The following PDGFRL variants were observed in gnomAD, a reference collection of about 807,000 sequenced individuals.
The protein encoded by PDGFRL is platelet derived growth factor receptor like.
PDGFRL carries 46 observed loss-of-function variants against 37.2 expected under a neutral mutation model. The ratio of observed to expected loss-of-function variants is 1.24; its 90% CI spans 0.98 to 1.58. PDGFRL has a LOEUF of 1.58. Ranked by LOEUF, PDGFRL falls within the 40% of genes most tolerant of loss-of-function variation. The pLI, the probability that PDGFRL is intolerant of heterozygous loss-of-function variation, is 0.00. For synonymous variants in PDGFRL, 251 were observed against 184.3 expected (o/e 1.36, Z -2.93); for missense variants, 692 against 467.6 (o/e 1.48, Z -4.43).
At position 17,628,699 on chromosome 8, in the gene PDGFRL, C is replaced by A. The variant is rs201190620; in HGVS notation, c.718C>A (p.His240Asn). ...GFVYLQPHSE[H>N]QGVVYCRAEA... ...TGTGTATCTGCAACCTCATTCCGAG[C>A]ACCAGGGTGTGGTTTACTGCAGGGC... is the stretch of plus-strand genomic sequence containing the variant. The change falls in exon 4 of 6, where the codon CAC becomes AAC. Residue 240 changes from histidine to asparagine, a missense_variant. Physicochemically the swap from His to Asn is moderately conservative, Grantham distance 68. Coordinates refer to ENST00000251630, the MANE Select transcript of PDGFRL (RefSeq NM_001372073.1). The A allele has an allele frequency of 1.2e-5, 19 of 1,613,800 alleles. No individual in the cohort carries two copies. In the South Asian group the frequency reaches 1.4e-4, roughly 12 times the overall value.
intron 5 of PDGFRL, among the ~76,000 whole-genome samples, chr8:17,638,788 A>ATAG (rs1805033295): frequency 1.3e-4 from 9 of 71,584 alleles, no homozygotes; most frequent in Non-Finnish European, 1.7e-4. Flanking sequence ...TATATATATA[A>ATAG]TTGTGATATT....
Position 17,629,967 on chromosome 8 carries a change from G to C in PDGFRL, c.799+1187G>C, listed in dbSNP as rs180959617. Among the ~76,000 whole-genome samples, 37 of 152,114 alleles carry C rather than the reference G, an allele frequency of 2.4e-4. 1 individual carries two copies. In the East Asian group the frequency reaches 4.8e-3, roughly 20 times the overall value. Reference sequence around the variant, plus strand: ...ACATCAGTACTCACTACCCACACCCGGCACGCCCTCCTCTCTGTACTCCCC... The same window carrying C: ...ACATCAGTACTCACTACCCACACCCCGCACGCCCTCCTCTCTGTACTCCCC... On this transcript the variant is annotated intron_variant, in intron 4 of 5. Coordinates refer to ENST00000251630, the MANE Select transcript of PDGFRL (RefSeq NM_001372073.1).
At chr8:17,608,854 T>C (rs1187844016) in intron 2 of PDGFRL, among the ~76,000 whole-genome samples, 2 of 152,054 alleles carry the variant, frequency 1.3e-5, no homozygotes, top group Non-Finnish European at 2.9e-5. Flanking sequence ...GCAAATGGAA[T>C]CATTGTGTAA....
intron 1 of PDGFRL, among the ~76,000 whole-genome samples, chr8:17,588,445 C>G (rs2588157): frequency 0.6 from 90,645 of 151,702 alleles, 29,468 homozygotes; most frequent in East Asian, 0.78. Flanking sequence ...GGGAGGCCTA[C>G]GTGGGAGGGT....
intron 1 of PDGFRL, among the ~76,000 whole-genome samples, chr8:17,582,515 G>A (rs1290406598): frequency 2.0e-5 from 3 of 150,658 alleles, no homozygotes; most frequent in South Asian, 2.1e-4. Context: ...TCGGGAAGAG[G>A]AGATTGCAGT....
chr8:17,641,086 C>G (rs984268509), intron 5 of PDGFRL, among the ~76,000 whole-genome samples: 28 of 152,138 alleles, frequency 1.8e-4, no homozygotes, highest in African/African-American at 6.5e-4. Context: ...TCACCCAGCT[C>G]CCACGTAGCC....
upstream of PDGFRL, chr8:17,577,064 T>A (rs1803598001): frequency 2.7e-6 from 1 of 376,078 alleles, no homozygotes; most frequent in Non-Finnish European, 3.9e-6. Flanking sequence ...GCAGGAGAAG[T>A]CACATTACAC....
At chr8:17,586,897 A>T (rs1803830226) in intron 1 of PDGFRL, among the ~76,000 whole-genome samples, 1 of 152,192 alleles carries the variant, frequency 6.6e-6, no homozygotes, top group Admixed American at 6.5e-5. Context: ...ATGGTTCTTG[A>T]ATTTTGCCAC....
At chr8:17,626,459 G>A (rs1039401358) in intron 3 of PDGFRL, among the ~76,000 whole-genome samples, 9 of 152,112 alleles carry the variant, frequency 5.9e-5, no homozygotes, top group African/African-American at 2.2e-4. Flanking sequence ...AGTGAACTTG[G>A]TACTTACAGC....
At chr8:17,595,939 C>A (rs1196373889) in intron 2 of PDGFRL, among the ~76,000 whole-genome samples, 1 of 152,214 alleles carries the variant, frequency 6.6e-6, no homozygotes. Context: ...CCACCATGGC[C>A]AGGGTTCCTC....
chr8:17,632,315 C>T lies in PDGFRL; in HGVS notation c.800-1759C>T, dbSNP rs142403299. Reference sequence around the variant, plus strand: ...TTTCCCCTATGTCCACCTTTTCTTTCTCCACTCCATTTTCCACACTGTAGC... The same window carrying T: ...TTTCCCCTATGTCCACCTTTTCTTTTTCCACTCCATTTTCCACACTGTAGC... On this transcript the variant is annotated intron_variant, in intron 4 of 5. Coordinates refer to ENST00000251630, the MANE Select transcript of PDGFRL (RefSeq NM_001372073.1). Among the ~76,000 whole-genome samples, 864 of 152,054 alleles carry T rather than the reference C, an allele frequency of 5.7e-3. 11 individuals carry two copies. Among genetic ancestry groups the T allele is most frequent in the African/African-American group, 0.019 (803 of 41,442 alleles).
chr8:17,585,224 C>T (rs981595205), intron 1 of PDGFRL, among the ~76,000 whole-genome samples: 1 of 152,140 alleles, frequency 6.6e-6, no homozygotes, highest in South Asian at 2.1e-4. Context: ...TTTACCACAA[C>T]CTGTTTTATC....
intron 2 of PDGFRL, among the ~76,000 whole-genome samples, chr8:17,607,101 G>C (rs1409232763): frequency 1.3e-5 from 2 of 151,916 alleles, no homozygotes; most frequent in Non-Finnish European, 2.9e-5. Flanking sequence ...TCCTCATGTT[G>C]GCCAGGCTGG....
chr8:17,615,714 A>T (rs191516962), intron 2 of PDGFRL, among the ~76,000 whole-genome samples: 3 of 152,118 alleles, frequency 2.0e-5, no homozygotes. Flanking sequence ...CAGGAATTCA[A>T]GACTAGCCTG....
chr8:17,607,618 A>G (rs559937855), intron 2 of PDGFRL, among the ~76,000 whole-genome samples: 1 of 152,276 alleles, frequency 6.6e-6, no homozygotes, highest in South Asian at 2.1e-4. Context: ...TGCAAGATGG[A>G]GCATTGTTTA....
At chr8:17,639,363 T>G (rs866253133) in intron 5 of PDGFRL, among the ~76,000 whole-genome samples, 7 of 152,162 alleles carry the variant, frequency 4.6e-5, no homozygotes, top group African/African-American at 1.7e-4. Context: ...GTTTTTGTTT[T>G]ATAGGTCCTA....
At chr8:17,629,870 C>A (rs544864804) in intron 4 of PDGFRL, among the ~76,000 whole-genome samples, 20 of 152,306 alleles carry the variant, frequency 1.3e-4, no homozygotes, top group African/African-American at 4.8e-4. Flanking sequence ...CCACAGTCCT[C>A]ACCTGCACCC....
intron 1 of PDGFRL, among the ~76,000 whole-genome samples, chr8:17,578,957 T>C (rs201292731): frequency 6.6e-6 from 1 of 152,328 alleles, no homozygotes; most frequent in East Asian, 1.9e-4. Flanking sequence ...CCCAGCACTT[T>C]GGGAGGCCAA....
rs115588653 is a variant in PDGFRL, at chr8:17,577,264, G to T, written c.12G>T (p.Trp4Cys). 3.8e-4 allele frequency: 619 copies of T among 1,612,926 alleles called. 3 individuals carry two copies. The African/African-American group carries it at 7.4e-3, about 19-fold the overall frequency. ...CCGAGGTTCCCGAGATGAAGGTCTG[G>T]CTGCTGCTTGGTCTTCTGCTGGTGC... MKV[W>C]LLLGLLLVHE... The change falls in exon 1 of 6, where the codon TGG (tryptophan) becomes TGT (cysteine). Residue 4 changes from tryptophan (W) to cysteine (C), a missense_variant. Coordinates refer to ENST00000251630, the MANE Select transcript of PDGFRL (RefSeq NM_001372073.1).
Sources: gnomAD v4.1 joint callset for allele counts (sites outside exome capture counted in the v4.1 genomes callset) on GRCh38, gnomAD v4.1.1 for gene constraint, MANE v1.5 for transcripts, NCBI Gene and HGNC (gene_info 2026-07-23, HGNC 2026-07-21) for gene names.